Variants in FTO observed in about 807,000 individuals in gnomAD.
FTO encodes the protein alpha-ketoglutarate-dependent dioxygenase FTO.
A neutral mutation model predicts 63.9 loss-of-function variants in FTO; 47 were observed. The ratio of observed to expected loss-of-function variants is 0.74; its 90% CI spans 0.58 to 0.94. The LOEUF (loss-of-function observed/expected upper bound fraction) is 0.94, where lower values mean the gene tolerates loss of function less well. Among genes scored for constraint, FTO ranks in the 40% least tolerant of loss-of-function variants. FTO has a pLI of 0.00. For missense variants in FTO, 562 were observed against 618.1 expected, an observed-to-expected ratio of 0.91 and a Z score of 0.96; for synonymous variants, 207 against 224.4, an observed-to-expected ratio of 0.92 and a Z score of 0.69.
At chr16:53,729,533 C>T (rs2076226872) in intron 1 of FTO, among the ~76,000 whole-genome samples, 1 of 151,570 alleles carries the variant, frequency 6.6e-6, no homozygotes, top group African/African-American at 2.4e-5. Context: ...ATGACCGTGT[C>T]ACTCCACTGT....
intron 7 of FTO, among the ~76,000 whole-genome samples, chr16:53,916,906 T>C (rs780638781): frequency 3.3e-5 from 5 of 152,152 alleles, no homozygotes; most frequent in Non-Finnish European, 5.9e-5. Context: ...TCTTTCTGAG[T>C]TTAAAAAATG....
chr16:53,746,258 C>T (rs1238713585), intron 1 of FTO, among the ~76,000 whole-genome samples: 3 of 152,176 alleles, frequency 2.0e-5, no homozygotes, highest in Admixed American at 2.0e-4. Flanking sequence ...CATTCTTTCC[C>T]TTTCCCTGCC....
chr16:53,986,599 C>A (rs1304445915), intron 8 of FTO, among the ~76,000 whole-genome samples: 1 of 152,192 alleles, frequency 6.6e-6, no homozygotes. Flanking sequence ...TGATTTCAGC[C>A]TAGACAGGTC....
intron 8 of FTO, chr16:54,040,800 A>T (rs1244171999): frequency 2.8e-4 from 43 of 152,156 alleles, no homozygotes; most frequent in Non-Finnish European, 1.5e-4. Flanking sequence ...GGGCCATAGG[A>T]AGAAGTTTTG....
rs561885213 is a variant in FTO, at chr16:53,716,998, C to CT, written c.45+12777dup. Among the ~76,000 whole-genome samples the CT allele has an allele frequency of 5.9e-4, 89 of 150,870 alleles. 2 individuals carry two copies. The South Asian group carries it at 0.015, about 25-fold the overall frequency. On this transcript the variant is annotated intron_variant, in intron 1 of 8. Transcript: ENST00000471389. Reference sequence around the variant, plus strand: ...GATAACTTGCATATTTTTTACTCTGCTTTTTTTTACCATCCAGTATATTAT... The same window carrying CT: ...GATAACTTGCATATTTTTTACTCTGCTTTTTTTTTACCATCCAGTATATTAT...
intron 8 of FTO, 131 bp downstream of exon 8, chr16:53,934,240 T>A: frequency 2.1e-6 from 2 of 949,176 alleles, no homozygotes; most frequent in Non-Finnish European, 3.3e-6. Context: ...TTTAAGATGC[T>A]TTCAGCTAAA....
intron 8 of FTO, among the ~76,000 whole-genome samples, chr16:53,990,055 A>C (rs1332935822): frequency 7.0e-6 from 1 of 142,526 alleles, no homozygotes; most frequent in Non-Finnish European, 1.5e-5. Flanking sequence ...GTTTATGTGA[A>C]TCAGTAAGGC....
At chr16:53,772,344 G>A (rs1246233312) in intron 1 of FTO, among the ~76,000 whole-genome samples, 1 of 151,900 alleles carries the variant, frequency 6.6e-6, no homozygotes, top group African/African-American at 2.4e-5. Flanking sequence ...GTATCTGCGT[G>A]GCTGGTTCAC....
At chr16:53,969,315 AC>A (rs1444623057) in intron 8 of FTO, among the ~76,000 whole-genome samples, 1 of 152,170 alleles carries the variant, frequency 6.6e-6, no homozygotes, top group Non-Finnish European at 1.5e-5. Context: ...TGCCTGAATA[AC>A]AGTTTCCCAA....
chr16:54,094,505 G>C (rs1344861810), intron 8 of FTO, among the ~76,000 whole-genome samples: 1 of 152,200 alleles, frequency 6.6e-6, no homozygotes, highest in Non-Finnish European at 1.5e-5. Context: ...GTGGCTCTCA[G>C]CATATAGGAT....
At chr16:53,803,957 C>T (rs1402061589) in intron 1 of FTO, among the ~76,000 whole-genome samples, 2 of 152,128 alleles carry the variant, frequency 1.3e-5, no homozygotes, top group Admixed American at 6.5e-5. Context: ...TGATGTGGTA[C>T]ACATAGATTC....
chr16:53,728,091 T>C (rs2076191978), intron 1 of FTO, among the ~76,000 whole-genome samples: 1 of 151,898 alleles, frequency 6.6e-6, no homozygotes, highest in South Asian at 2.1e-4. Context: ...ATTAAAAAAT[T>C]AGTCAGGTGT....
intron 8 of FTO, among the ~76,000 whole-genome samples, chr16:54,097,500 C>T (rs1309602573): frequency 6.6e-6 from 1 of 152,164 alleles, no homozygotes; most frequent in Non-Finnish European, 1.5e-5. Flanking sequence ...ATTACTTTTA[C>T]ATGCCCAGCT....
intron 1 of FTO, 87 bp downstream of exon 1, chr16:53,704,316 G>A: frequency 7.5e-7 from 1 of 1,327,256 alleles, no homozygotes; most frequent in Non-Finnish European, 1.1e-6. Context: ...ATGGCGAGCG[G>A]ATGCGCGGTG....
intron 4 of FTO, among the ~76,000 whole-genome samples, chr16:53,868,024 AATG>A (rs2080380801): frequency 6.6e-6 from 1 of 152,128 alleles, no homozygotes. Context: ...TCTTTAGATT[AATG>A]TTAGCATAGT....
intron 8 of FTO, among the ~76,000 whole-genome samples, chr16:53,973,324 TG>T (rs2083372329): frequency 6.6e-6 from 1 of 152,194 alleles, no homozygotes; most frequent in Non-Finnish European, 1.5e-5. Context: ...GGAGTAAACC[TG>T]ATCAAATCTA....
chr16:53,952,820 G>A (rs974782097), intron 8 of FTO, among the ~76,000 whole-genome samples: 6 of 152,138 alleles, frequency 3.9e-5, no homozygotes, highest in African/African-American at 9.7e-5. Context: ...TGTGACTCTC[G>A]ATTAACCTTG....
chr16:53,816,390 C>T (rs2078689632), intron 2 of FTO, among the ~76,000 whole-genome samples: 1 of 152,144 alleles, frequency 6.6e-6, no homozygotes, highest in Non-Finnish European at 1.5e-5. Flanking sequence ...GCTCAAAGCC[C>T]TTGAATAGCT....
chr16:53,750,550 T>G (rs2076763827), intron 1 of FTO, among the ~76,000 whole-genome samples: 1 of 152,182 alleles, frequency 6.6e-6, no homozygotes, highest in African/African-American at 2.4e-5. Flanking sequence ...ATAATGGCTT[T>G]TAAATTTTTA....
Sources: gnomAD v4.1 joint callset for allele counts (sites outside exome capture counted in the v4.1 genomes callset) on GRCh38, gnomAD v4.1.1 for gene constraint, MANE v1.5 for transcripts, NCBI Gene and HGNC (gene_info 2026-07-23, HGNC 2026-07-21) for gene names.